The following DHFR2 variants were observed in gnomAD, a reference collection of about 807,000 sequenced individuals.
DHFR2 encodes dihydrofolate reductase 2.
In DHFR2, 11 loss-of-function variants were observed where a neutral mutation model predicts 12.0. The observed-to-expected ratio is 0.92, with a 90% CI of 0.58 to 1.52. The LOEUF (loss-of-function observed/expected upper bound fraction) is 1.52. Ranked by LOEUF, DHFR2 falls within the 40% of genes most tolerant of loss-of-function variation. The probability of loss-of-function intolerance (pLI) is 0.00; values close to 1 mark genes in which losing one functional copy is unlikely to be tolerated. For synonymous variants in DHFR2, 87 were observed against 79.6 expected, an observed-to-expected ratio of 1.09 and a Z score of -0.49; for missense variants, 188 against 221.2, an observed-to-expected ratio of 0.85 and a Z score of 0.95.
chr3:94,063,023 G>T, upstream of DHFR2: 1 of 1,237,074 alleles, frequency 8.1e-7, no homozygotes, highest in South Asian at 1.2e-5. Flanking sequence ...GAATGAAAGT[G>T]GATGCCCGCG....
chr3:94,058,309 T>A lies in DHFR2; in HGVS notation c.*2639A>T, dbSNP rs1321557930. On this transcript the variant is annotated 3_prime_UTR_variant, in exon 2 of 2. Transcript: ENST00000314636. ...TTTTAGTTTTTCAAGTGAATACATA[T>A]ATTAATACATGTAATCTTTAAAAGC... The A allele has an allele frequency of 2.0e-5, 3 of 152,138 alleles. No homozygotes were observed. The highest frequency in any genetic ancestry group is 2.9e-5 in the Non-Finnish European group (2 of 68,038). 9.4% of individuals were successfully genotyped at this position (152,138 alleles called of 1,614,324 possible).
chr3:94,062,971 G>A, upstream of DHFR2: 1 of 767,284 alleles, frequency 1.3e-6, no homozygotes, highest in Non-Finnish European at 2.2e-6. Flanking sequence ...TCTATAGCGC[G>A]AGCAAATCAG....
chr3:94,058,376 C>T lies in DHFR2; in HGVS notation c.*2572G>A, dbSNP rs1265509427. The T allele has an allele frequency of 6.6e-6, 1 of 152,146 alleles. No homozygotes were observed. Among genetic ancestry groups the T allele is most frequent in the Non-Finnish European group, 1.5e-5 (1 of 68,042 alleles). The allele number at this position is 152,146 out of a possible 1,614,324, so 9.4% of individuals were successfully genotyped here. A position where few individuals can be genotyped will look rare whatever the true frequency, so the allele number is the denominator to read the frequency against. On this transcript the variant is annotated 3_prime_UTR_variant, in exon 2 of 2. Transcript: ENST00000314636. ...GCATCCTAACAGTCCCCTGCCCCATCCCTCCTAATTCTCTGGAGCAATGAC... is the reference window on the plus strand; with the variant it reads ...GCATCCTAACAGTCCCCTGCCCCATTCCTCCTAATTCTCTGGAGCAATGAC...
upstream of DHFR2, chr3:94,062,918 C>T: frequency 1.8e-6 from 1 of 568,886 alleles, no homozygotes; most frequent in South Asian, 2.3e-5. Context: ...GAAGTAACTG[C>T]GCACGAAATC....
chr3:94,062,878 C>G lies in DHFR2; in HGVS notation c.-228G>C, dbSNP rs111361040. The G allele has an allele frequency of 7.8e-6, 4 of 509,950 alleles. No individual in the cohort carries two copies. Among genetic ancestry groups the G allele is most frequent in the African/African-American group, 7.7e-5 (4 of 52,198 alleles). The allele number at this position is 509,950 out of a possible 1,614,324, so 31.6% of individuals were successfully genotyped here. A position where few individuals can be genotyped will look rare whatever the true frequency, so the allele number is the denominator to read the frequency against. ...GGCCCTGGCCCGTTACCTCCGCGTC[C>G]TGGGAAGTATCAGCCTTTACCAGCT... On this transcript the variant is annotated 5_prime_UTR_variant, in exon 1 of 2. Transcript: ENST00000314636.
At chr3:94,062,987 C>A, upstream of DHFR2, 1 of 904,180 alleles carries the variant, frequency 1.1e-6, no homozygotes, top group Non-Finnish European at 1.8e-6. Flanking sequence ...ATCAGTATCT[C>A]GCGAGAAATT....
At chr3:94,063,166 T>C (rs769492967), upstream of DHFR2, 1 of 1,613,216 alleles carries the variant, frequency 6.2e-7, no homozygotes, top group South Asian at 1.1e-5. Context: ...GCTGGGTACC[T>C]CTATCTGAAT....
At chr3:94,062,962 C>T (rs968185692), upstream of DHFR2, 3 of 728,438 alleles carry the variant, frequency 4.1e-6, no homozygotes, top group African/African-American at 5.2e-5. Context: ...GACAAGAATT[C>T]TATAGCGCGA....
Position 94,058,057 on chromosome 3 carries a change from T to C in DHFR2, c.*2891A>G, listed in dbSNP as rs1333704805. On this transcript the variant is annotated 3_prime_UTR_variant, in exon 2 of 2. Coordinates refer to ENST00000314636, the MANE Select transcript of DHFR2 (RefSeq NM_176815.5). ...TAACAGAAATAAACTATGATTCTTATTACAGTCTTAAAATTCTTTTTTTAA... is the reference window on the plus strand; with the variant it reads ...TAACAGAAATAAACTATGATTCTTACTACAGTCTTAAAATTCTTTTTTTAA... 1 of 152,180 alleles carries C rather than the reference T, an allele frequency of 6.6e-6. No homozygotes were observed. Among genetic ancestry groups the C allele is most frequent in the Non-Finnish European group, 1.5e-5 (1 of 68,006 alleles). The allele number at this position is 152,180 out of a possible 1,614,324, so 9.4% of individuals were successfully genotyped here. A position where few individuals can be genotyped will look rare whatever the true frequency, so the allele number is the denominator to read the frequency against.
rs972796675 is a variant in DHFR2 at position 94,062,735 on chromosome 3, G to T, written c.-96+11C>A. ...TGCAACCTCAAACTTCTGCCCAAGC[G>T]ATCCTCCCACCTCAGCATCCGCAGA... On this transcript the variant is annotated intron_variant, in intron 1 of 1. Coordinates refer to ENST00000314636, the MANE Select transcript of DHFR2 (RefSeq NM_176815.5). 4 of 260,182 alleles carry T rather than the reference G, an allele frequency of 1.5e-5. No individual in the cohort carries two copies. Among genetic ancestry groups the T allele is most frequent in the Admixed American group, 9.6e-5 (2 of 20,916 alleles). The allele number at this position is 260,182 out of a possible 1,614,324, so 16.1% of individuals were successfully genotyped here.
At chr3:94,063,028 C>T (rs2077186425), upstream of DHFR2, 11 of 1,301,384 alleles carry the variant, frequency 8.5e-6, no homozygotes, top group South Asian at 9.5e-5. Flanking sequence ...AAAGTGGATG[C>T]CCGCGAATCC....
chr3:94,061,031 G>C lies in DHFR2; in HGVS notation c.481C>G (p.Pro161Ala). ...EIDLEKYKLL[P>A]EYPGVLSDVQ... ...TCAGAGAGAACACCTGGGTATTCAG[G>C]CAGAAGTTTATATTTCTCCAAGTCA... Residue 161 changes from proline (P) to alanine (A), a missense_variant, in exon 2 of 2, where the codon CCT (proline) becomes GCT (alanine). Coordinates refer to ENST00000314636, the MANE Select transcript of DHFR2 (RefSeq NM_176815.5). The C allele has an allele frequency of 6.2e-7, 1 of 1,613,796 alleles. No individual in the cohort carries two copies. The highest frequency in any genetic ancestry group is 2.2e-5 in the East Asian group (1 of 44,860).
Position 94,060,136 on chromosome 3 carries a change from C to G in DHFR2, c.*812G>C, listed in dbSNP as rs190652755. On this transcript the variant is annotated 3_prime_UTR_variant, in exon 2 of 2. Transcript: ENST00000314636. ...CTTTAAGTGTTTGGCATTCACCGTTCCCGTACATTACAGCAGCTTCTTTCA... is the reference window on the plus strand; with the variant it reads ...CTTTAAGTGTTTGGCATTCACCGTTGCCGTACATTACAGCAGCTTCTTTCA... The G allele has an allele frequency of 6.6e-6, 1 of 152,168 alleles. No individual in the cohort carries two copies. The highest frequency in any genetic ancestry group is 2.4e-5 in the African/African-American group (1 of 41,424). The allele number at this position is 152,168 out of a possible 1,614,324, so 9.4% of individuals were successfully genotyped here. A position where few individuals can be genotyped will look rare whatever the true frequency, so the allele number is the denominator to read the frequency against.
rs771869532 is a variant in DHFR2, at chr3:94,060,987, G to A, written c.525C>T (p.His175=). The A allele has an allele frequency of 7.4e-6, 12 of 1,613,744 alleles. No homozygotes were observed. The highest frequency in any genetic ancestry group is 6.7e-5 in the Admixed American group (4 of 59,986). Reference sequence around the variant, plus strand: ...CACATACTTCAAATTTGTACTTGATGTGTTTCCCCTCCTGGACATCAGAGA... The same window carrying A: ...CACATACTTCAAATTTGTACTTGATATGTTTCCCCTCCTGGACATCAGAGA... The part of the protein sequence containing the change: ...GVLSDVQEGK[H]IKYKFEVCEK... The change falls in exon 2 of 2, where the codon CAC becomes CAT. Residue 175 remains histidine (H), a synonymous_variant. Transcript: ENST00000314636.
rs377018855 is a variant in DHFR2, at chr3:94,061,281, G to A, written c.231C>T (p.Ser77=). The change falls in exon 2 of 2, where the codon AGC becomes AGT. Residue 77 remains serine (S), a synonymous_variant. Coordinates refer to ENST00000314636, the MANE Select transcript of DHFR2 (RefSeq NM_176815.5). ...CTTGTGGAGGTTCCTTGAGTTCTCT[G>A]CTGAGAACTAAATTAATTCTATCCT... ...PLKDRINLVL[S]RELKEPPQGA... is the part of the protein sequence containing the mutation. 6.1e-5 allele frequency: 98 copies of A among 1,613,690 alleles called. No homozygotes were observed. The highest frequency in any genetic ancestry group is 8.1e-5 in the Non-Finnish European group (96 of 1,179,704).
rs1326554914 is a variant in DHFR2 at position 94,060,084 on chromosome 3, G to A, written c.*864C>T. 6.6e-6 allele frequency: 1 copy of A among 151,842 alleles called. No homozygotes were observed. The highest frequency in any genetic ancestry group is 6.6e-5 in the Admixed American group (1 of 15,242). The allele number at this position is 151,842 out of a possible 1,614,324, so 9.4% of individuals were successfully genotyped here. ...AAAGAAAAAAAAAAAAAAGTATGAA[G>A]AGTTTACATACTTAAACATGGAATT... On this transcript the variant is annotated 3_prime_UTR_variant, in exon 2 of 2. Coordinates refer to ENST00000314636, the MANE Select transcript of DHFR2 (RefSeq NM_176815.5).
rs1285871250 is a variant in DHFR2, at chr3:94,058,426, ATTCTT to A, written c.*2517_*2521del. 6.6e-6 allele frequency: 1 copy of A among 152,170 alleles called. No homozygotes were observed. The highest frequency in any genetic ancestry group is 6.6e-5 in the Admixed American group (1 of 15,262). 9.4% of individuals were successfully genotyped at this position (152,170 alleles called of 1,614,324 possible). A position where few individuals can be genotyped will look rare whatever the true frequency, so the allele number is the denominator to read the frequency against. On this transcript the variant is annotated 3_prime_UTR_variant, in exon 2 of 2. Transcript: ENST00000314636. ...CTTCTAACTCTTCTAGCAATGTTCCATTCTTTTCTTCACATAACTACTTAGTCATT... is the reference window on the plus strand; with the variant it reads ...CTTCTAACTCTTCTAGCAATGTTCCATTCTTCACATAACTACTTAGTCATT...
rs1576076986 is a variant in DHFR2 at position 94,062,869 on chromosome 3, C to T, written c.-219G>A. 1 of 499,462 alleles carries T rather than the reference C, an allele frequency of 2.0e-6. No homozygotes were observed. The highest frequency in any genetic ancestry group is 1.9e-5 in the African/African-American group (1 of 51,914). 30.9% of individuals were successfully genotyped at this position (499,462 alleles called of 1,614,324 possible). Reference sequence around the variant, plus strand: ...AGTCGCTTTGGCCCTGGCCCGTTACCTCCGCGTCCTGGGAAGTATCAGCCT... The same window carrying T: ...AGTCGCTTTGGCCCTGGCCCGTTACTTCCGCGTCCTGGGAAGTATCAGCCT... On this transcript the variant is annotated 5_prime_UTR_variant, in exon 1 of 2. Coordinates refer to ENST00000314636, the MANE Select transcript of DHFR2 (RefSeq NM_176815.5).
At position 94,061,537 on chromosome 3, in the gene DHFR2, C is replaced by T. The variant is rs1261078294; in HGVS notation, c.-26G>A. On this transcript the variant is annotated 5_prime_UTR_variant, in exon 2 of 2. Transcript: ENST00000314636. ...GACAGCAGCGGTTAACACCTCCGAA[C>T]TTGCTGGCTACGCCAGGAAGCCAGG... is the stretch of plus-strand genomic sequence containing the variant. The T allele has an allele frequency of 1.1e-5, 18 of 1,612,892 alleles. No individual in the cohort carries two copies. The highest frequency in any genetic ancestry group is 1.4e-5 in the Non-Finnish European group (17 of 1,179,344).
Sources: gnomAD v4.1 joint callset for allele counts on GRCh38, gnomAD v4.1.1 for gene constraint, MANE v1.5 for transcripts, NCBI Gene and HGNC (gene_info 2026-07-23, HGNC 2026-07-21) for gene names.